Variants in PAPOLG observed in about 807,000 individuals in gnomAD.
PAPOLG encodes PAP-gamma.
PAPOLG carries 40 observed loss-of-function variants against 99.0 expected under a neutral mutation model. The ratio of observed to expected loss-of-function variants is 0.40; its 90% CI spans 0.31 to 0.53. The LOEUF is 0.53. Among genes scored for constraint, PAPOLG ranks in the 20% least tolerant of loss-of-function variants. The pLI is 0.41. For synonymous variants in PAPOLG, 310 were observed against 299.3 expected (o/e 1.04, Z -0.37); for missense variants, 675 against 884.1 (o/e 0.76, Z 3.00).
intron 7 of PAPOLG, among the ~76,000 whole-genome samples, chr2:60,773,645 G>C (rs963512470): frequency 1.3e-5 from 2 of 150,894 alleles, no homozygotes; most frequent in African/African-American, 2.4e-5. Context: ...GAAAATATTG[G>C]TTCACAAAAT....
chr2:60,793,383 T>G (rs1671601995), intron 17 of PAPOLG, among the ~76,000 whole-genome samples: 1 of 151,392 alleles, frequency 6.6e-6, no homozygotes, highest in African/African-American at 2.4e-5. Context: ...CATAGTGAGA[T>G]CCTGTCTCCA....
chr2:60,768,577 C>T, intron 4 of PAPOLG, 26 bp downstream of exon 4: 1 of 1,508,262 alleles, frequency 6.6e-7, no homozygotes, highest in Non-Finnish European at 9.1e-7. Flanking sequence ...TGTTCTAGTG[C>T]TAAGAACATT....
rs1671231180 is a variant in PAPOLG, at chr2:60,782,744, G to A, written c.1086G>A (p.Glu362=). 3.9e-6 allele frequency: 6 copies of A among 1,555,340 alleles called. No individual in the cohort carries two copies. In the East Asian group the frequency reaches 1.4e-4, roughly 37 times the overall value. Reference sequence around the variant, plus strand: ...AGTCAGATTGGTCCAAACTACTTGAGCCACCGAATTTCTTTCAAAAGTATA... The same window carrying A: ...AGTCAGATTGGTCCAAACTACTTGAACCACCGAATTTCTTTCAAAAGTATA... ...QGKSDWSKLL[E]PPNFFQKYRH... Residue 362 remains glutamate (E), a synonymous_variant, in exon 12 of 22, where the codon GAG becomes GAA. Coordinates refer to ENST00000238714, the MANE Select transcript of PAPOLG (RefSeq NM_022894.4).
chr2:60,788,289 T>C (rs1484793217), intron 15 of PAPOLG, among the ~76,000 whole-genome samples: 1 of 152,020 alleles, frequency 6.6e-6, no homozygotes, highest in African/African-American at 2.4e-5. Context: ...CTTCAACGCT[T>C]TAAGTTTTGT....
chr2:60,758,385 C>T (rs1171465509), intron 1 of PAPOLG, among the ~76,000 whole-genome samples: 1 of 35,412 alleles, frequency 2.8e-5, no homozygotes, highest in Non-Finnish European at 5.3e-5. Flanking sequence ...GCTATTTTAT[C>T]TTCCATTTGA....
chr2:60,778,928 T>C (rs977759154), intron 8 of PAPOLG, among the ~76,000 whole-genome samples: 1 of 152,088 alleles, frequency 6.6e-6, no homozygotes, highest in African/African-American at 2.4e-5. Flanking sequence ...GATAGCTATA[T>C]AAAAAACGGT....
rs1462171913 is a variant in PAPOLG at position 60,798,391 on chromosome 2, G to A, written c.*1231G>A. ...TATGTTGATTCAGTGTTTTGTAAATGAAGTCGTATGTATTTTCAGAGTATT... is the reference window on the plus strand; with the variant it reads ...TATGTTGATTCAGTGTTTTGTAAATAAAGTCGTATGTATTTTCAGAGTATT... On this transcript the variant is annotated 3_prime_UTR_variant, in exon 22 of 22. Transcript: ENST00000238714. 1.3e-5 allele frequency: 2 copies of A among 152,740 alleles called. No homozygotes were observed. The allele number at this position is 152,740 out of a possible 1,614,324, so 9.5% of individuals were successfully genotyped here.
chr2:60,783,238 T>A, intron 13 of PAPOLG, 29 bp downstream of exon 13: 1 of 1,398,810 alleles, frequency 7.1e-7, no homozygotes, highest in Non-Finnish European at 9.9e-7. Context: ...GTTTTCTACC[T>A]ACTGTGTGGT....
At chr2:60,792,543 T>C (rs1671572439) in intron 17 of PAPOLG, among the ~76,000 whole-genome samples, 3 of 152,216 alleles carry the variant, frequency 2.0e-5, no homozygotes, top group Non-Finnish European at 4.4e-5. Flanking sequence ...CTCTTCTTAC[T>C]GGGTCCTCTG....
At position 60,797,343 on chromosome 2, in the gene PAPOLG, C is replaced by A; in HGVS notation, c.*183C>A. 5 of 665,286 alleles carry A rather than the reference C, an allele frequency of 7.5e-6. No homozygotes were observed. Among genetic ancestry groups the A allele is most frequent in the Non-Finnish European group, 1.3e-5 (5 of 392,396 alleles). 41.2% of individuals were successfully genotyped at this position (665,286 alleles called of 1,614,324 possible). A position where few individuals can be genotyped will look rare whatever the true frequency, so the allele number is the denominator to read the frequency against. On this transcript the variant is annotated 3_prime_UTR_variant, in exon 22 of 22. Transcript: ENST00000238714. ...TGACCTGTAGATGCTGTAGCATTCTCTCACTGATTGCTACATACACTTCTC... is the reference window on the plus strand; with the variant it reads ...TGACCTGTAGATGCTGTAGCATTCTATCACTGATTGCTACATACACTTCTC...
intron 15 of PAPOLG, among the ~76,000 whole-genome samples, chr2:60,788,960 C>G (rs961178586): frequency 6.6e-6 from 1 of 152,116 alleles, no homozygotes; most frequent in Admixed American, 6.6e-5. Context: ...CGCCATTGCT[C>G]TCCAGCCTGG....
intron 3 of PAPOLG, 117 bp from the exon 4 acceptor site, chr2:60,768,353 T>TG: frequency 1.0e-6 from 1 of 984,770 alleles, no homozygotes; most frequent in East Asian, 2.7e-5. Flanking sequence ...CCACCGGCCT[T>TG]GGCCTCCTAT....
At chr2:60,796,414 C>G (rs1180153414) in intron 21 of PAPOLG, among the ~76,000 whole-genome samples, 1 of 151,960 alleles carries the variant, frequency 6.6e-6, no homozygotes, top group Non-Finnish European at 1.5e-5. Context: ...TCTGGGATTA[C>G]AGGCGTGAAC....
chr2:60,788,249 G>A (rs17538393), intron 15 of PAPOLG, among the ~76,000 whole-genome samples: 1 of 151,886 alleles, frequency 6.6e-6, no homozygotes, highest in African/African-American at 2.4e-5. Context: ...CTAGGTCAGG[G>A]TACAGGATAA....
intron 2 of PAPOLG, among the ~76,000 whole-genome samples, chr2:60,760,937 G>A (rs1371916682): frequency 6.6e-6 from 1 of 152,224 alleles, no homozygotes; most frequent in Non-Finnish European, 1.5e-5. Flanking sequence ...GCAGAGCAGA[G>A]AAACCAGTTA....
chr2:60,767,340 T>C (rs1414427712), intron 3 of PAPOLG, among the ~76,000 whole-genome samples: 2 of 151,810 alleles, frequency 1.3e-5, no homozygotes, highest in Non-Finnish European at 2.9e-5. Context: ...TTTTTCTTTT[T>C]CTTTCTTTTT....
chr2:60,785,088 A>C (rs1671317155), intron 13 of PAPOLG, among the ~76,000 whole-genome samples: 1 of 152,166 alleles, frequency 6.6e-6, no homozygotes, highest in Non-Finnish European at 1.5e-5. Flanking sequence ...ATCCGATGAG[A>C]CTTGCTGTAT....
chr2:60,785,988 C>T (rs1039167423), intron 13 of PAPOLG, among the ~76,000 whole-genome samples: 4 of 151,908 alleles, frequency 2.6e-5, no homozygotes, highest in African/African-American at 9.7e-5. Context: ...TAGATTAGTT[C>T]TTCTATTAAA....
chr2:60,760,385 T>G, intron 2 of PAPOLG, 90 bp downstream of exon 2: 2 of 1,237,288 alleles, frequency 1.6e-6, no homozygotes, highest in Non-Finnish European at 2.3e-6. Flanking sequence ...TGTCTCTAGA[T>G]ACAGGTGCAG....
Sources: gnomAD v4.1 joint callset for allele counts (sites outside exome capture counted in the v4.1 genomes callset) on GRCh38, gnomAD v4.1.1 for gene constraint, MANE v1.5 for transcripts, NCBI Gene and HGNC (gene_info 2026-07-23, HGNC 2026-07-21) for gene names.